Variants in PPM1H observed in about 807,000 individuals in gnomAD.
PPM1H encodes protein phosphatase, Mg2+/Mn2+ dependent 1H.
In PPM1H, 27 loss-of-function variants were observed where a neutral mutation model predicts 54.9. The ratio of observed to expected loss-of-function variants is 0.49; its 90% CI spans 0.36 to 0.68. The LOEUF is 0.68. PPM1H is among the 30% of genes least tolerant of loss of function. PPM1H has a pLI of 0.00. For missense variants in PPM1H, 596 were observed against 667.8 expected (o/e 0.89, Z 1.19); for synonymous variants, 305 against 270.8 (o/e 1.13, Z -1.24).
At chr12:62,743,286 G>A (rs1180604642) in intron 4 of PPM1H, among the ~76,000 whole-genome samples, 1 of 152,110 alleles carries the variant, frequency 6.6e-6, no homozygotes, top group Non-Finnish European at 1.5e-5. Context: ...CTGGGAAGGG[G>A]AGGTTGCAGT....
At chr12:62,793,654 G>T (rs955472799) in intron 3 of PPM1H, among the ~76,000 whole-genome samples, 1 of 151,250 alleles carries the variant, frequency 6.6e-6, no homozygotes, top group Admixed American at 6.6e-5. Context: ...AACCCGGGAG[G>T]TGGAGGTTGC....
chr12:62,733,082 G>GC (rs1592568913), intron 5 of PPM1H, among the ~76,000 whole-genome samples: 1 of 152,098 alleles, frequency 6.6e-6, no homozygotes, highest in African/African-American at 2.4e-5. Flanking sequence ...TAATTTCTGA[G>GC]CATGTTATGA....
At chr12:62,866,920 T>A (rs1018378347) in intron 1 of PPM1H, among the ~76,000 whole-genome samples, 2 of 151,982 alleles carry the variant, frequency 1.3e-5, no homozygotes, top group Admixed American at 1.3e-4. Flanking sequence ...TCAGTATTTC[T>A]CTACCCTGCT....
chr12:62,891,976 T>A (rs1870813303), intron 1 of PPM1H, among the ~76,000 whole-genome samples: 1 of 152,078 alleles, frequency 6.6e-6, no homozygotes. Flanking sequence ...GGGTAAGAAC[T>A]CTTAGGAATT....
intron 1 of PPM1H, among the ~76,000 whole-genome samples, chr12:62,899,247 G>A (rs1204540408): frequency 6.6e-6 from 1 of 151,906 alleles, no homozygotes; most frequent in Non-Finnish European, 1.5e-5. Context: ...ACAAAAAGGC[G>A]ATAGGTGCCC....
intron 4 of PPM1H, chr12:62,756,304 G>A: frequency 1.7e-6 from 1 of 576,286 alleles, no homozygotes; most frequent in Admixed American, 2.2e-5. Flanking sequence ...GGAAGTCCCT[G>A]CCATACTCAG....
intron 4 of PPM1H, among the ~76,000 whole-genome samples, chr12:62,742,694 T>C (rs1168817846): frequency 6.6e-6 from 1 of 152,180 alleles, no homozygotes; most frequent in Non-Finnish European, 1.5e-5. Flanking sequence ...GAGAGCTACG[T>C]ATACACTCTG....
chr12:62,808,392 G>GA (rs77867043), intron 2 of PPM1H, among the ~76,000 whole-genome samples: 33,354 of 152,034 alleles, frequency 0.22, 4,098 homozygotes, highest in African/African-American at 0.34. Flanking sequence ...CCACCAGAGG[G>GA]AAGGTTGCCT....
chr12:62,838,920 CAAAAAAAAAAAAAAAAAAAA>C (rs71278269), intron 1 of PPM1H, among the ~76,000 whole-genome samples: 1 of 33,302 alleles, frequency 3.0e-5, no homozygotes, highest in Non-Finnish European at 5.1e-5. Flanking sequence ...GACTCCGTCT[CAAAAAAAAAAAAAAAAAAAA>C]AAAAAAAAAA....
chr12:62,913,859 C>G (rs1871537912), intron 1 of PPM1H, among the ~76,000 whole-genome samples: 2 of 151,794 alleles, frequency 1.3e-5, no homozygotes, highest in Admixed American at 6.6e-5. Flanking sequence ...CGCCACCATG[C>G]CTGGCTAACT....
intron 8 of PPM1H, among the ~76,000 whole-genome samples, chr12:62,671,508 G>C (rs898251176): frequency 1.3e-5 from 2 of 152,166 alleles, no homozygotes; most frequent in Non-Finnish European, 2.9e-5. Context: ...CCAGGCACTG[G>C]GGACACAGTG....
At chr12:62,773,252 A>T (rs2076589902) in intron 4 of PPM1H, among the ~76,000 whole-genome samples, 1 of 152,196 alleles carries the variant, frequency 6.6e-6, no homozygotes. Context: ...AGGTGGGAGG[A>T]TTGCTTGAAT....
intron 7 of PPM1H, among the ~76,000 whole-genome samples, chr12:62,690,880 A>AGAATCACT (rs2076078980): frequency 6.6e-6 from 1 of 152,212 alleles, no homozygotes; most frequent in Non-Finnish European, 1.5e-5. Context: ...CTGAGGCATG[A>AGAATCACT]GAATCACTTG....
At chr12:62,838,407 A>T (rs1868580052) in intron 1 of PPM1H, among the ~76,000 whole-genome samples, 1 of 151,932 alleles carries the variant, frequency 6.6e-6, no homozygotes, top group Admixed American at 6.6e-5. Flanking sequence ...TCTCTTTTCC[A>T]GGTAACCTCT....
At chr12:62,920,347 G>C (rs181443629) in intron 1 of PPM1H, among the ~76,000 whole-genome samples, 1 of 152,062 alleles carries the variant, frequency 6.6e-6, no homozygotes. Context: ...TTGTTGTTGA[G>C]ACAGGGTCTC....
At chr12:62,692,051 C>T (rs1000740063) in intron 7 of PPM1H, among the ~76,000 whole-genome samples, 4 of 152,100 alleles carry the variant, frequency 2.6e-5, no homozygotes, top group African/African-American at 9.7e-5. Flanking sequence ...CAGGTGTTAC[C>T]CACACCAGTC....
chr12:62,886,433 A>G (rs936730960), intron 1 of PPM1H, among the ~76,000 whole-genome samples: 3 of 152,216 alleles, frequency 2.0e-5, no homozygotes, highest in Admixed American at 6.5e-5. Flanking sequence ...TTAAAATTCT[A>G]TGGTTGGAAA....
intron 1 of PPM1H, among the ~76,000 whole-genome samples, chr12:62,870,591 G>T (rs1869940412): frequency 6.6e-6 from 1 of 152,204 alleles, no homozygotes; most frequent in African/African-American, 2.4e-5. Context: ...ATGCTGAATA[G>T]GGGAGAAAAG....
chr12:62,658,182 A>ATTTTTTTTT lies in PPM1H; in HGVS notation c.1397+8987_1397+8995dup, dbSNP rs1173229360. Among the ~76,000 whole-genome samples, 116 of 87,508 alleles carry ATTTTTTTTT rather than the reference A, an allele frequency of 1.3e-3. 3 individuals are homozygous for ATTTTTTTTT. Among genetic ancestry groups the ATTTTTTTTT allele is most frequent in the African/African-American group, 4.4e-3 (99 of 22,332 alleles). 57.4% of individuals were successfully genotyped at this position (87,508 alleles called of 152,430 possible). A position where few individuals can be genotyped will look rare whatever the true frequency, so the allele number is the denominator to read the frequency against. On this transcript the variant is annotated intron_variant, in intron 9 of 9. Coordinates refer to ENST00000228705, the MANE Select transcript of PPM1H (RefSeq NM_020700.2). ...GAGACCAGCCTGGGTAACACGGTGA[A>ATTTTTTTTT]TTTTTTTTTTTTTTTTTTTTTTTTT... is the stretch of plus-strand genomic sequence containing the variant.
Sources: allele counts gnomAD v4.1 joint callset (sites outside exome capture counted in the v4.1 genomes callset), GRCh38; gene constraint gnomAD v4.1.1; transcripts MANE v1.5; gene names NCBI Gene and HGNC (gene_info 2026-07-23, HGNC 2026-07-21).